SLC22A11: variants seen among roughly 807,000 people sequenced by gnomAD.
SLC22A11 encodes the protein organic anion transporter 4.
In SLC22A11, 42 loss-of-function variants were observed where a neutral mutation model predicts 49.4. That is an observed-to-expected ratio of 0.85 (90% CI 0.66 to 1.10). SLC22A11 has a LOEUF of 1.10. Among genes scored for constraint, SLC22A11 ranks in the 50% least tolerant of loss-of-function variants. The pLI is 0.00. For synonymous variants in SLC22A11, 304 were observed against 315.8 expected (o/e 0.96, Z 0.40); for missense variants, 685 against 731.6 (o/e 0.94, Z 0.74).
intron 8 of SLC22A11, among the ~76,000 whole-genome samples, chr11:64,568,997 C>G (rs1183127486): frequency 2.0e-5 from 3 of 152,290 alleles, no homozygotes; most frequent in Non-Finnish European, 2.9e-5. Flanking sequence ...TTTTGAGCCA[C>G]AGAGTCATCT....
Position 64,564,856 on chromosome 11 carries a change from C to T in SLC22A11, c.943-366C>T, listed in dbSNP as rs1591375157. 6.6e-6 allele frequency among the ~76,000 whole-genome samples: 1 copy of T among 152,338 alleles called. No individual in the cohort carries two copies. Among genetic ancestry groups the T allele is most frequent in the East Asian group, 1.9e-4 (1 of 5,188 alleles). ...TCCACCTGCATGTAGCACGCACCCA[C>T]CTCATGGGGGTTCTCGATGTGTCTG... On this transcript the variant is annotated intron_variant, in intron 5 of 9. Coordinates refer to ENST00000301891, the MANE Select transcript of SLC22A11 (RefSeq NM_018484.4). The surrounding 1 kb of genome is among the most constrained non-coding windows in gnomAD (Gnocchi z 4.2).
chr11:64,560,724 TC>T (rs981687906), intron 2 of SLC22A11, among the ~76,000 whole-genome samples: 1 of 152,060 alleles, frequency 6.6e-6, no homozygotes, highest in Non-Finnish European at 1.5e-5. Flanking sequence ...GTTGTCCACG[TC>T]CCCACAAGCA....
In SLC22A11 at chr11:64,556,032, A is replaced by G; in HGVS notation, c.33A>G (p.Gly11=). 1 of 1,612,716 alleles carries G rather than the reference A, an allele frequency of 6.2e-7. No homozygotes were observed. Among genetic ancestry groups the G allele is most frequent in the South Asian group, 1.1e-5 (1 of 91,080 alleles). ...TCTCGAAGCTCTTGGAGCAAGCCGG[A>G]GGCGTGGGCCTCTTCCAGACCCTGC... MAFSKLLEQA[G]GVGLFQTLQV... The change falls in exon 1 of 10, where the codon GGA becomes GGG. Residue 11 remains glycine, a synonymous_variant. Coordinates refer to ENST00000301891, the MANE Select transcript of SLC22A11 (RefSeq NM_018484.4).
At chr11:64,559,998 C>T (rs1028855912) in intron 2 of SLC22A11, among the ~76,000 whole-genome samples, 3 of 151,424 alleles carry the variant, frequency 2.0e-5, no homozygotes, top group Non-Finnish European at 1.5e-5. Flanking sequence ...TGTTCTTGCT[C>T]CCCCTCCTCC....
Position 64,567,718 on chromosome 11 carries a change from C to T in SLC22A11, c.1178C>T (p.Ala393Val). 1.2e-6 allele frequency: 2 copies of T among 1,613,832 alleles called. No individual in the cohort carries two copies. Among genetic ancestry groups the T allele is most frequent in the Non-Finnish European group, 1.7e-6 (2 of 1,180,030 alleles). The stretch of plus-strand genomic sequence containing the variant: ...GACTTCCTGGGCCGGGCCACCACTG[C>T]CCTCTTGCTCAGTTTCCTTGGCCGC... ...AVDFLGRATTALLLSFLGRRT... is the reference protein window; with the variant it reads ...AVDFLGRATTVLLLSFLGRRT... The change falls in exon 7 of 10, where the codon GCC becomes GTC. Residue 393 changes from alanine to valine, a missense_variant. By Grantham distance (64) the Ala-to-Val change is moderately conservative (BLOSUM62 0). Coordinates refer to ENST00000301891, the MANE Select transcript of SLC22A11 (RefSeq NM_018484.4).
In SLC22A11 at chr11:64,564,197, G is replaced by A; in HGVS notation, c.822-111G>A. 7.3e-7 allele frequency: 1 copy of A among 1,373,362 alleles called. No individual in the cohort carries two copies. The allele number at this position is 1,373,362 out of a possible 1,614,324, so 85.1% of individuals were successfully genotyped here. Reference sequence around the variant, plus strand: ...GGGCAGCAGCGGCACAGAAGCATGTGCTTCCTCATCACTCATCTCAGCTGG... The same window carrying A: ...GGGCAGCAGCGGCACAGAAGCATGTACTTCCTCATCACTCATCTCAGCTGG... On this transcript the variant is annotated intron_variant, in intron 4 of 9. Coordinates refer to ENST00000301891, the MANE Select transcript of SLC22A11 (RefSeq NM_018484.4). This position sits in a 1 kb window ranked among gnomAD's most constrained non-coding sequence, Gnocchi z 4.2.
chr11:64,559,542 C>T (rs1232133448), intron 2 of SLC22A11, among the ~76,000 whole-genome samples: 1 of 152,168 alleles, frequency 6.6e-6, no homozygotes, highest in South Asian at 2.1e-4. Context: ...CTCCTCCATG[C>T]GGCCGTGCTT....
Position 64,562,412 on chromosome 11 carries a change from CTTTGCCAT to C in SLC22A11, c.799_806del (p.Phe267LeufsTer17), listed in dbSNP as rs774446327. On this transcript the variant is annotated frameshift_variant, in exon 4 of 10. Transcript: ENST00000301891. LOFTEE classifies it high-confidence loss of function. This position sits in a 1 kb window ranked among gnomAD's most constrained non-coding sequence, Gnocchi z 4.4. ...TCCAGCTGGCAGCATCAGTGCCCTT[CTTTGCCAT>C]CTCCCTGATATCCTGGTCAGTATGA... 3 of 1,592,072 alleles carry C rather than the reference CTTTGCCAT, an allele frequency of 1.9e-6. No homozygotes were observed. The highest frequency in any genetic ancestry group is 1.1e-5 in the South Asian group (1 of 89,376).
At position 64,565,668 on chromosome 11, in the gene SLC22A11, AGG is replaced by A. The variant is rs1347307582; in HGVS notation, c.1058+332_1058+333del. The A allele has an allele frequency of 2.3e-6, 1 of 442,930 alleles. No individual in the cohort carries two copies. Among genetic ancestry groups the A allele is most frequent in the Non-Finnish European group, 4.4e-6 (1 of 225,884 alleles). The allele number at this position is 442,930 out of a possible 1,614,324, so 27.4% of individuals were successfully genotyped here. On this transcript the variant is annotated intron_variant, in intron 6 of 9. Transcript: ENST00000301891. This position sits in a 1 kb window ranked among gnomAD's most constrained non-coding sequence, Gnocchi z 4.1. ...AGAGCCAGGGGACCAGCCACGGCCG[AGG>A]AGTACCACTGTGTGTCATCGTTAGA...
rs758270570 is a variant in SLC22A11, at chr11:64,562,226, C to A, written c.653-41C>A. 1 of 1,600,246 alleles carries A rather than the reference C, an allele frequency of 6.2e-7. No individual in the cohort carries two copies. Among genetic ancestry groups the A allele is most frequent in the South Asian group, 1.1e-5 (1 of 89,892 alleles). On this transcript the variant is annotated intron_variant, in intron 3 of 9. Transcript: ENST00000301891. The surrounding 1 kb of genome is among the most constrained non-coding windows in gnomAD (Gnocchi z 4.4). Reference sequence around the variant, plus strand: ...TGGCAGGAGAGAATGGGGCTCAGGCCGCCGCATGAGGCCTCACCTGCACGT... The same window carrying A: ...TGGCAGGAGAGAATGGGGCTCAGGCAGCCGCATGAGGCCTCACCTGCACGT...
At chr11:64,570,324 A>G (rs942367304) in intron 9 of SLC22A11, among the ~76,000 whole-genome samples, 1 of 152,212 alleles carries the variant, frequency 6.6e-6, no homozygotes, top group Non-Finnish European at 1.5e-5. Flanking sequence ...GTGCCATCTC[A>G]CACCCATTCT....
At chr11:64,560,995 C>A (rs1304546475) in intron 2 of SLC22A11, among the ~76,000 whole-genome samples, 1 of 152,238 alleles carries the variant, frequency 6.6e-6, no homozygotes, top group Admixed American at 6.5e-5. Context: ...TCGCACCTGC[C>A]CACGCAGTTG....
Position 64,572,553 on chromosome 11 carries a change from C to T in SLC22A11, c.*1511C>T, listed in dbSNP as rs1415558232. 1 of 152,456 alleles carries T rather than the reference C, an allele frequency of 6.6e-6. No individual in the cohort carries two copies. The highest frequency in any genetic ancestry group is 1.5e-5 in the Non-Finnish European group (1 of 68,220). 9.4% of individuals were successfully genotyped at this position (152,456 alleles called of 1,614,324 possible). A position where few individuals can be genotyped will look rare whatever the true frequency, so the allele number is the denominator to read the frequency against. Reference sequence around the variant, plus strand: ...ACTGGGTCAATCACTCCTGCCTCCTCACAGCTCCCAAATCCACCTACTTCC... The same window carrying T: ...ACTGGGTCAATCACTCCTGCCTCCTTACAGCTCCCAAATCCACCTACTTCC... On this transcript the variant is annotated 3_prime_UTR_variant, in exon 10 of 10. Coordinates refer to ENST00000301891, the MANE Select transcript of SLC22A11 (RefSeq NM_018484.4).
rs759188959 is a variant in SLC22A11 at position 64,559,223 on chromosome 11, G to A, written c.482G>A (p.Gly161Asp). The A allele has an allele frequency of 1.9e-6, 3 of 1,607,076 alleles. No homozygotes were observed. Among genetic ancestry groups the A allele is most frequent in the Non-Finnish European group, 2.6e-6 (3 of 1,175,676 alleles). ...ATCCTGGTGGGCTCCTTTATCTGGGGCCTCCTCTCCTACCGGTGAGTGCCT... is the reference window on the plus strand; with the variant it reads ...ATCCTGGTGGGCTCCTTTATCTGGGACCTCCTCTCCTACCGGTGAGTGCCT... ...SGILVGSFIW[G>D]LLSYRFGRKP... Residue 161 changes from glycine to aspartate, a missense_variant, in exon 2 of 10, where the codon GGC becomes GAC. Transcript: ENST00000301891.
rs907218107 is a variant in SLC22A11 at position 64,572,743 on chromosome 11, C to G, written c.*1701C>G. On this transcript the variant is annotated 3_prime_UTR_variant, in exon 10 of 10. Transcript: ENST00000301891. ...CTCCAGTGGCTCACAATAAGGATCA[C>G]ACTTCTCCCCCTGCCTGGTCAGGCA... The G allele has an allele frequency of 6.6e-6, 1 of 152,236 alleles. No homozygotes were observed. Among genetic ancestry groups the G allele is most frequent in the African/African-American group, 2.4e-5 (1 of 41,452 alleles). The allele number at this position is 152,236 out of a possible 1,614,324, so 9.4% of individuals were successfully genotyped here.
Position 64,564,409 on chromosome 11 carries a change from C to CCA in SLC22A11, c.924_925dup (p.Lys309ThrfsTer4), listed in dbSNP as rs750189706. ...GCCAGGATAAATGGCCACAAGGAGG[C>CCA]CAAGAACCTGACCATAGAGGTGAGA... On this transcript the variant is annotated frameshift_variant, in exon 5 of 10. Transcript: ENST00000301891. LOFTEE classifies it high-confidence loss of function. The surrounding 1 kb of genome is among the most constrained non-coding windows in gnomAD (Gnocchi z 4.2). The CCA allele has an allele frequency of 1.3e-5, 21 of 1,613,984 alleles. No individual in the cohort carries two copies. The highest frequency in any genetic ancestry group is 1.7e-5 in the Non-Finnish European group (20 of 1,180,008).
At chr11:64,557,442 A>G (rs1379733668) in intron 1 of SLC22A11, among the ~76,000 whole-genome samples, 2 of 152,142 alleles carry the variant, frequency 1.3e-5, no homozygotes, top group African/African-American at 4.8e-5. Context: ...GGATACATTG[A>G]CATCGAGGCT....
Position 64,559,116 on chromosome 11 carries a change from CT to C in SLC22A11, c.394-18del, listed in dbSNP as rs747445159. 4 of 1,611,312 alleles carry C rather than the reference CT, an allele frequency of 2.5e-6. No homozygotes were observed. In the South Asian group the frequency reaches 4.4e-5, roughly 18 times the overall value. ...ATTTCATACCCCCCGAGCTGAGCCA[CT>C]GCACCCTCCTCTTGCAGTGGGACCT... On this transcript the variant is annotated intron_variant, in intron 1 of 9. Coordinates refer to ENST00000301891, the MANE Select transcript of SLC22A11 (RefSeq NM_018484.4).
At position 64,569,826 on chromosome 11, in the gene SLC22A11, G is replaced by T. The variant is rs772913836; in HGVS notation, c.1557G>T (p.Pro519=). 2 of 1,613,640 alleles carry T rather than the reference G, an allele frequency of 1.2e-6. No homozygotes were observed. Among genetic ancestry groups the T allele is most frequent in the South Asian group, 2.2e-5 (2 of 91,082 alleles). The part of the protein sequence containing the change: ...LFFLPETQGL[P]LPDTIQDLES... ...TCCTCCCGGAGACCCAGGGACTTCC[G>T]CTCCCTGACACTATCCAGGACCTGG... Residue 519 remains proline, a synonymous_variant, in exon 9 of 10, where the codon CCG becomes CCT. Coordinates refer to ENST00000301891, the MANE Select transcript of SLC22A11 (RefSeq NM_018484.4).
Sources: allele counts gnomAD v4.1 joint callset (sites outside exome capture counted in the v4.1 genomes callset), GRCh38; gene constraint gnomAD v4.1.1; non-coding constraint Gnocchi (gnomAD v3.1); transcripts MANE v1.5; gene names NCBI Gene and HGNC (gene_info 2026-07-23, HGNC 2026-07-21).